The following ZNF197 variants were observed in gnomAD, a reference collection of about 807,000 sequenced individuals.
ZNF197 encodes the protein VHL-associated KRAB-A domain-containing protein.
In ZNF197, 14 loss-of-function variants were observed where a neutral mutation model predicts 27.4. The observed-to-expected ratio is 0.51, with a 90% confidence interval of 0.34 to 0.80. The LOEUF (loss-of-function observed/expected upper bound fraction) is 0.80, where lower values mean the gene tolerates loss of function less well. ZNF197 is among the 30% of genes least tolerant of loss of function. The pLI, the probability that ZNF197 is intolerant of heterozygous loss-of-function variation, is 0.02. For synonymous variants in ZNF197, 415 were observed against 420.0 expected, an observed-to-expected ratio of 0.99 and a Z score of 0.15; for missense variants, 1,090 against 1,222.6, an observed-to-expected ratio of 0.89 and a Z score of 1.62.
chr3:44,625,794 C>G (rs10212378), intron 1 of ZNF197, among the ~76,000 whole-genome samples: 60,124 of 150,930 alleles, frequency 0.4, 12,968 homozygotes, highest in East Asian at 0.83. Context: ...ACACTCATTG[C>G]CAACCTGTCA....
At position 44,644,997 on chromosome 3, in the gene ZNF197, C is replaced by G; in HGVS notation, c.*777C>G. On this transcript the variant is annotated 3_prime_UTR_variant, in exon 6 of 6. Coordinates refer to ENST00000344387, the MANE Select transcript of ZNF197 (RefSeq NM_006991.5). Reference sequence around the variant, plus strand: ...GAACAGACAGTATGATCCAGAATGTCAGGTGTGGAGTTGGGCGGACAAGAG... The same window carrying G: ...GAACAGACAGTATGATCCAGAATGTGAGGTGTGGAGTTGGGCGGACAAGAG... 1.0e-6 allele frequency: 1 copy of G among 985,412 alleles called. No homozygotes were observed. The highest frequency in any genetic ancestry group is 1.2e-6 in the Non-Finnish European group (1 of 829,932). The allele number at this position is 985,412 out of a possible 1,614,324, so 61.0% of individuals were successfully genotyped here. A position where few individuals can be genotyped will look rare whatever the true frequency, so the allele number is the denominator to read the frequency against.
chr3:44,638,024 T>G (rs1702398074), intron 5 of ZNF197, among the ~76,000 whole-genome samples: 1 of 152,220 alleles, frequency 6.6e-6, no homozygotes, highest in African/African-American at 2.4e-5. Context: ...GGGATTGCAA[T>G]GAATCTGTAG....
chr3:44,625,945 G>A (rs1331389553), intron 1 of ZNF197, among the ~76,000 whole-genome samples: 2 of 152,144 alleles, frequency 1.3e-5, no homozygotes, highest in East Asian at 3.9e-4. Flanking sequence ...AATTGTTTTG[G>A]ACTTCTGGAA....
At chr3:44,627,329 T>C (rs185303680) in intron 1 of ZNF197, among the ~76,000 whole-genome samples, 1 of 152,214 alleles carries the variant, frequency 6.6e-6, no homozygotes, top group Non-Finnish European at 1.5e-5. Flanking sequence ...GAATACTGCC[T>C]CTCAAGAGCA....
Position 44,646,685 on chromosome 3 carries a change from TTGTG to T in ZNF197, c.*2467_*2470del. The T allele has an allele frequency of 1.7e-6, 1 of 574,218 alleles. No homozygotes were observed. Among genetic ancestry groups the T allele is most frequent in the Non-Finnish European group, 3.1e-6 (1 of 320,110 alleles). The allele number at this position is 574,218 out of a possible 1,614,324, so 35.6% of individuals were successfully genotyped here. A position where few individuals can be genotyped will look rare whatever the true frequency, so the allele number is the denominator to read the frequency against. The stretch of plus-strand genomic sequence containing the variant: ...GAGTTTATTATACCATTCTCTGCTT[TTGTG>T]TATGTATGAAAATTTCGATATGAAA... On this transcript the variant is annotated 3_prime_UTR_variant, in exon 6 of 6. Transcript: ENST00000344387.
intron 1 of ZNF197, among the ~76,000 whole-genome samples, chr3:44,628,620 G>A (rs960710946): frequency 9.9e-5 from 15 of 152,260 alleles, no homozygotes; most frequent in Non-Finnish European, 8.8e-5. Context: ...ATTTAAACCC[G>A]TATACCAGGC....
In ZNF197 at chr3:44,643,895, G is replaced by T; in HGVS notation, c.2765G>T (p.Arg922Ile). 6.2e-7 allele frequency: 1 copy of T among 1,613,872 alleles called. No homozygotes were observed. The highest frequency in any genetic ancestry group is 8.5e-7 in the Non-Finnish European group (1 of 1,179,936). ...AATAAAAACCTTGTTGTACATCAGA[G>T]AATGCACACTGGGGAAAAACCTTAT... ...SQNKNLVVHQ[R>I]MHTGEKPYEC... The change falls in exon 6 of 6, where the codon AGA becomes ATA. Residue 922 changes from arginine (R) to isoleucine (I), a missense_variant. Arg to Ile is a moderately conservative substitution (Grantham distance 97). Coordinates refer to ENST00000344387, the MANE Select transcript of ZNF197 (RefSeq NM_006991.5).
chr3:44,632,130 C>T lies in ZNF197; in HGVS notation c.576C>T (p.Ala192=). Residue 192 remains alanine (A), a synonymous_variant, in exon 4 of 6, where the codon GCC becomes GCT. Transcript: ENST00000344387. The part of the protein sequence containing the change: ...QHDSPAPEAS[A]LSQEENPRNQ... Reference sequence around the variant, plus strand: ...ATTCTCCTGCCCCTGAAGCTTCTGCCCTTTCCCAGGAAGAGAACCCAAGAA... The same window carrying T: ...ATTCTCCTGCCCCTGAAGCTTCTGCTCTTTCCCAGGAAGAGAACCCAAGAA... 6.2e-7 allele frequency: 1 copy of T among 1,614,116 alleles called. No homozygotes were observed. Among genetic ancestry groups the T allele is most frequent in the South Asian group, 1.1e-5 (1 of 91,080 alleles).
intron 1 of ZNF197, 150 bp from the exon 2 acceptor site, chr3:44,628,924 C>A: frequency 2.3e-6 from 1 of 431,510 alleles, no homozygotes; most frequent in South Asian, 4.2e-5. Flanking sequence ...CAGGGGGTTT[C>A]TGTCAGAGGA....
chr3:44,643,130 T>C lies in ZNF197; in HGVS notation c.2000T>C (p.Leu667Ser). 3 of 1,613,218 alleles carry C rather than the reference T, an allele frequency of 1.9e-6. No individual in the cohort carries two copies. Among genetic ancestry groups the C allele is most frequent in the Non-Finnish European group, 2.5e-6 (3 of 1,179,804 alleles). Residue 667 changes from leucine to serine, a missense_variant, in exon 6 of 6, where the codon TTA becomes TCA. Physicochemically the swap from Leu to Ser is moderately radical, Grantham distance 145 (BLOSUM62 -2). Coordinates refer to ENST00000344387, the MANE Select transcript of ZNF197 (RefSeq NM_006991.5). ...TTTATTCTGAAGAAGAGCCTCATTT[T>C]ACATCAAAGGTTCCACACTGGAGAG... Reference protein sequence around the residue: ...KVFILKKSLILHQRFHTGENL... With the variant: ...KVFILKKSLISHQRFHTGENL...
At chr3:44,638,768 A>G (rs1481663756) in intron 5 of ZNF197, among the ~76,000 whole-genome samples, 1 of 152,218 alleles carries the variant, frequency 6.6e-6, no homozygotes, top group Non-Finnish European at 1.5e-5. Context: ...ATCACGGCTC[A>G]CTACATCCTC....
intron 5 of ZNF197, among the ~76,000 whole-genome samples, chr3:44,633,207 T>C (rs963423817): frequency 6.6e-6 from 1 of 152,214 alleles, no homozygotes; most frequent in South Asian, 2.1e-4. Flanking sequence ...GTTGCTAATA[T>C]ATTTTTAAAG....
At chr3:44,639,742 A>G (rs1425329934) in intron 5 of ZNF197, among the ~76,000 whole-genome samples, 1 of 152,080 alleles carries the variant, frequency 6.6e-6, no homozygotes, top group Non-Finnish European at 1.5e-5. Context: ...TGAGTTGGAA[A>G]GAAGAAGAGC....
intron 4 of ZNF197, 37 bp downstream of exon 4, chr3:44,632,233 G>A: frequency 6.2e-7 from 1 of 1,607,910 alleles, no homozygotes; most frequent in Non-Finnish European, 8.5e-7. Context: ...CATCTGCACA[G>A]CGTAACTGTG....
chr3:44,632,346 T>C (rs2125801874), intron 4 of ZNF197, 127 bp from the exon 5 acceptor site: 1 of 1,488,902 alleles, frequency 6.7e-7, no homozygotes, highest in Middle Eastern at 1.8e-4. Context: ...TGTGATCTCC[T>C]TATGTCTCCC....
Position 44,644,811 on chromosome 3 carries a change from G to A in ZNF197, c.*591G>A. 1.0e-6 allele frequency: 1 copy of A among 982,752 alleles called. No individual in the cohort carries two copies. The highest frequency in any genetic ancestry group is 1.2e-6 in the Non-Finnish European group (1 of 827,576). 60.9% of individuals were successfully genotyped at this position (982,752 alleles called of 1,614,324 possible). ...GAGGTGGGAAGATCCCTTGAGCCCA[G>A]GAGTTCGAGACAAGCCTGGGTAACA... On this transcript the variant is annotated 3_prime_UTR_variant, in exon 6 of 6. Transcript: ENST00000344387.
Position 44,640,185 on chromosome 3 carries a change from G to A in ZNF197, c.770-1715G>A, listed in dbSNP as rs1013164615. Among the ~76,000 whole-genome samples the A allele has an allele frequency of 2.0e-5, 3 of 152,148 alleles. No individual in the cohort carries two copies. The highest frequency in any genetic ancestry group is 7.2e-5 in the African/African-American group (3 of 41,440). On this transcript the variant is annotated intron_variant, in intron 5 of 5. Transcript: ENST00000344387. The surrounding 1 kb of genome is among the most constrained non-coding windows in gnomAD (Gnocchi z 4.0). The stretch of plus-strand genomic sequence containing the variant: ...AAAAAGCTCAAGAGGCCCATATATA[G>A]TCTGATTCCTAAGCTAAAAATATTA...
intron 5 of ZNF197, among the ~76,000 whole-genome samples, chr3:44,636,500 G>A (rs1217620621): frequency 2.0e-5 from 3 of 152,044 alleles, no homozygotes. Context: ...ATTTGTGATT[G>A]GCTTCTTTTA....
intron 1 of ZNF197, among the ~76,000 whole-genome samples, chr3:44,625,750 GCACACACACACACACACACACACACA>G (rs56833441): frequency 6.7e-6 from 1 of 148,962 alleles, no homozygotes; most frequent in Admixed American, 6.6e-5. Context: ...GCGCGCGCGC[GCACACACACACACACACACACACACA>G]CACACACACA....
Sources: gnomAD v4.1 joint callset for allele counts (sites outside exome capture counted in the v4.1 genomes callset) on GRCh38, gnomAD v4.1.1 for gene constraint, Gnocchi (gnomAD v3.1) non-coding constraint, MANE v1.5 for transcripts, NCBI Gene and HGNC (gene_info 2026-07-23, HGNC 2026-07-21) for gene names.